Variants in DMD observed in about 807,000 individuals in gnomAD.
DMD encodes mutant dystrophin.
DMD carries 63 observed loss-of-function variants against 330.1 expected under a neutral mutation model. That is an observed-to-expected ratio of 0.19 (90% CI 0.16 to 0.24). DMD has a LOEUF of 0.24. DMD is among the 10% of genes least tolerant of loss of function. The pLI is 1.00. For synonymous variants in DMD, 1,223 were observed against 959.8 expected, an observed-to-expected ratio of 1.27 and a Z score of -5.07; for missense variants, 3,344 against 2,684.1, an observed-to-expected ratio of 1.25 and a Z score of -5.43.
At chrX:31,727,278 A>G (rs1188509692) in intron 52 of DMD, among the ~76,000 whole-genome samples, 1 of 112,000 alleles carries the variant, frequency 8.9e-6, no homozygotes, top group African/African-American at 3.3e-5. Flanking sequence ...ACTCACTAAG[A>G]TTCACTCTTT....
At chrX:32,179,617 T>C (rs2096920335) in intron 44 of DMD, among the ~76,000 whole-genome samples, 1 of 111,962 alleles carries the variant, frequency 8.9e-6, no homozygotes, top group Admixed American at 9.4e-5. Context: ...ACCTTGATAA[T>C]ATTGATCATC....
At chrX:33,195,732 TTGTGTGTGTGTGTG>T (rs71969580) in intron 1 of DMD, among the ~76,000 whole-genome samples, 11 of 97,715 alleles carry the variant, frequency 1.1e-4, no homozygotes, top group Middle Eastern at 5.3e-3. Context: ...CTGTTCTATT[TTGTGTGTGTGTGTG>T]TGTGTGTGTG....
chrX:32,206,093 C>A (rs756653952), intron 44 of DMD: 1 of 517,162 alleles, frequency 1.9e-6, no homozygotes, highest in South Asian at 2.3e-5. Flanking sequence ...GTTACAAAGG[C>A]AGTCCAATTA....
At chrX:33,094,953 A>G (rs1319250465) in intron 1 of DMD, among the ~76,000 whole-genome samples, 1 of 112,180 alleles carries the variant, frequency 8.9e-6, no homozygotes, top group African/African-American at 3.2e-5. Context: ...GGAAAAAATC[A>G]TAATCTAATT....
chrX:33,039,526 T>C (rs2094262720), intron 1 of DMD, among the ~76,000 whole-genome samples: 1 of 111,707 alleles, frequency 9.0e-6, no homozygotes, highest in Non-Finnish European at 1.9e-5. Context: ...TCTTCACCTT[T>C]AAATTAAAAG....
At chrX:32,249,802 G>C (rs1184669441) in intron 43 of DMD, among the ~76,000 whole-genome samples, 2 of 111,115 alleles carry the variant, frequency 1.8e-5, no homozygotes, top group African/African-American at 6.5e-5. Flanking sequence ...TTCAAGGATC[G>C]AACACTCAAG....
intron 44 of DMD, among the ~76,000 whole-genome samples, chrX:32,216,075 G>A (rs923615267): frequency 1.4e-4 from 16 of 111,689 alleles, no homozygotes; most frequent in African/African-American, 4.9e-4. Context: ...AAACTACTGG[G>A]TGTTTTTTGC....
intron 41 of DMD, among the ~76,000 whole-genome samples, chrX:32,337,771 T>A (rs1306958266): frequency 2.7e-5 from 3 of 111,152 alleles, no homozygotes; most frequent in Non-Finnish European, 5.7e-5. Flanking sequence ...CTATTTGATT[T>A]CTCTCTCTTT....
At chrX:31,978,693 C>T (rs1381879052) in intron 44 of DMD, among the ~76,000 whole-genome samples, 2 of 111,608 alleles carry the variant, frequency 1.8e-5, no homozygotes, top group Non-Finnish European at 3.8e-5. Flanking sequence ...CTCACAGTGA[C>T]GTCCTGGTCA....
chrX:32,256,453 G>A (rs1474149203), intron 43 of DMD, among the ~76,000 whole-genome samples: 1 of 110,313 alleles, frequency 9.1e-6, no homozygotes, highest in Non-Finnish European at 1.9e-5. Flanking sequence ...TGATGGTCCT[G>A]ACTCTTTATC....
chrX:33,129,324 G>GTTTTTT (rs2095483564), intron 1 of DMD, among the ~76,000 whole-genome samples: 24 of 10,450 alleles, frequency 2.3e-3, no homozygotes, highest in South Asian at 9.6e-3. Context: ...GTTAAGGTTT[G>GTTTTTT]CTTTTTTTTT....
At chrX:31,295,408 C>T (rs1040771420) in intron 62 of DMD, among the ~76,000 whole-genome samples, 3 of 109,986 alleles carry the variant, frequency 2.7e-5, no homozygotes, top group Non-Finnish European at 5.7e-5. Flanking sequence ...TTAAGGTGTA[C>T]AATTCAATAT....
chrX:32,501,839 T>C lies in DMD; in HGVS notation c.2296A>G (p.Ile766Val), dbSNP rs372490563. The change falls in exon 19 of 79, where the codon ATA (isoleucine) becomes GTA (valine). Residue 766 changes from isoleucine to valine, a missense_variant. By Grantham distance (29) the Ile-to-Val change is conservative (BLOSUM62 3). Coordinates refer to ENST00000357033, the MANE Select transcript of DMD (RefSeq NM_004006.3). ...FSDLKEKVNA[I>V]EREKAEKFRK... ...AACTTCTCAGCTTTTTCTCGCTCTA[T>C]GGCCTGCAGCATGAGAGCAAAGATG... 6 of 1,194,386 alleles carry C rather than the reference T, an allele frequency of 5.0e-6. No individual in the cohort carries two copies. In the African/African-American group the frequency reaches 8.8e-5, roughly 17 times the overall value.
intron 57 of DMD, among the ~76,000 whole-genome samples, chrX:31,480,899 C>T (rs896045492): frequency 1.8e-5 from 2 of 111,128 alleles, no homozygotes; most frequent in Non-Finnish European, 3.8e-5. Flanking sequence ...TATAGACTTG[C>T]GCAATATGGG....
chrX:32,843,174 C>G (rs1291116763), intron 4 of DMD, among the ~76,000 whole-genome samples: 1 of 111,959 alleles, frequency 8.9e-6, no homozygotes, highest in Admixed American at 9.5e-5. Flanking sequence ...TTTTAAATGA[C>G]ATTTTCTTGC....
chrX:31,598,742 A>G (rs1195243706), intron 55 of DMD, among the ~76,000 whole-genome samples: 2 of 112,050 alleles, frequency 1.8e-5, no homozygotes, highest in Non-Finnish European at 3.8e-5. Flanking sequence ...TGAGAAATGT[A>G]GTATCTGAAA....
intron 7 of DMD, among the ~76,000 whole-genome samples, chrX:32,760,235 T>C (rs2148372146): frequency 8.9e-6 from 1 of 112,045 alleles, no homozygotes; most frequent in East Asian, 2.8e-4. Flanking sequence ...ACACAGGACT[T>C]CTTTTTACAC....
intron 48 of DMD, among the ~76,000 whole-genome samples, chrX:31,862,298 A>G: frequency 9.1e-6 from 1 of 109,551 alleles, no homozygotes; most frequent in Middle Eastern, 4.6e-3. Context: ...ATGCCCAGCT[A>G]ATTTTTGTAT....
chrX:31,685,200 A>T (rs2082609604), intron 52 of DMD, among the ~76,000 whole-genome samples: 1 of 109,186 alleles, frequency 9.2e-6, no homozygotes, highest in Admixed American at 9.8e-5. Flanking sequence ...TATGGGTAGG[A>T]AGGGATTTTT....
Sources: allele counts gnomAD v4.1 joint callset (sites outside exome capture counted in the v4.1 genomes callset), GRCh38; gene constraint gnomAD v4.1.1; transcripts MANE v1.5; gene names NCBI Gene and HGNC (gene_info 2026-07-23, HGNC 2026-07-21).